Variants in HOMER2 observed in about 807,000 individuals in gnomAD.
HOMER2 encodes the protein homer protein homolog 2.
HOMER2 carries 27 observed loss-of-function variants against 47.0 expected under a neutral mutation model. The observed-to-expected ratio is 0.57, with a 90% CI of 0.42 to 0.79. HOMER2 has a LOEUF of 0.79. HOMER2 is among the 30% of genes least tolerant of loss of function. The pLI, the probability that HOMER2 is intolerant of heterozygous loss-of-function variation, is 0.00. For synonymous variants in HOMER2, 161 were observed against 163.8 expected (o/e 0.98, Z 0.13); for missense variants, 443 against 435.0 (o/e 1.02, Z -0.16).
downstream of HOMER2, chr15:82,845,794 G>A (rs1487405847): frequency 6.6e-6 from 1 of 152,200 alleles, no homozygotes; most frequent in Admixed American, 6.5e-5. Flanking sequence ...GCGTCCTGTG[G>A]TTGGCTCTCA....
At chr15:82,954,198 A>G (rs1330857284), upstream of HOMER2, among the ~76,000 whole-genome samples, 1 of 152,196 alleles carries the variant, frequency 6.6e-6, no homozygotes, top group African/African-American at 2.4e-5. Flanking sequence ...ACACTGAACA[A>G]GTCATTTATC....
chr15:82,951,324 C>T (rs1720001920), intron 1 of HOMER2, among the ~76,000 whole-genome samples: 1 of 152,190 alleles, frequency 6.6e-6, no homozygotes, highest in African/African-American at 2.4e-5. Flanking sequence ...CTCAAAATTC[C>T]TCTTGGCCTG....
intron 1 of HOMER2, 126 bp downstream of exon 1, chr15:82,952,405 C>T: frequency 3.1e-6 from 2 of 651,276 alleles, no homozygotes; most frequent in East Asian, 4.5e-5. Flanking sequence ...GCAGAGTGTG[C>T]GCTCGCTCCG....
intron 1 of HOMER2, among the ~76,000 whole-genome samples, chr15:82,911,854 AC>A (rs1439260299): frequency 6.6e-6 from 1 of 151,762 alleles, no homozygotes; most frequent in Non-Finnish European, 1.5e-5. Context: ...ACATGGTAAA[AC>A]CCCCATCTCT....
In HOMER2 at chr15:82,875,327, G is replaced by A; in HGVS notation, c.240C>T (p.Ser80=). 2 of 1,613,990 alleles carry A rather than the reference G, an allele frequency of 1.2e-6. No individual in the cohort carries two copies. Among genetic ancestry groups the A allele is most frequent in the Non-Finnish European group, 1.7e-6 (2 of 1,179,894 alleles). Residue 80 remains serine (S), a synonymous_variant, in exon 3 of 9, where the codon AGC becomes AGT. Transcript: ENST00000450735. ...TSQKFGQWAD[S]RANTVFGLGF... ...CCAAACCAAACACTGTGTTGGCTCT[G>A]CTGTCGGCCCACTGCCCAAACTTCT...
chr15:82,869,425 A>G (rs1209229683), intron 3 of HOMER2, among the ~76,000 whole-genome samples: 1 of 144,918 alleles, frequency 6.9e-6, no homozygotes, highest in Non-Finnish European at 1.5e-5. Context: ...ACTTCCATGC[A>G]ATTATATGAT....
At chr15:82,930,424 C>T (rs907282772) in intron 1 of HOMER2, among the ~76,000 whole-genome samples, 2 of 152,226 alleles carry the variant, frequency 1.3e-5, no homozygotes, top group Non-Finnish European at 2.9e-5. Context: ...GGTAAGCGTC[C>T]GGTGCAATCA....
intron 3 of HOMER2, among the ~76,000 whole-genome samples, chr15:82,871,501 T>C (rs1256444): frequency 0.52 from 79,252 of 152,060 alleles, 21,091 homozygotes; most frequent in African/African-American, 0.63. Context: ...CTTGTTGAGA[T>C]GGCCAGACTC....
chr15:82,878,408 A>G (rs768506079), intron 2 of HOMER2, among the ~76,000 whole-genome samples: 1 of 152,228 alleles, frequency 6.6e-6, no homozygotes, highest in Non-Finnish European at 1.5e-5. Flanking sequence ...CATAAAACTA[A>G]TAAGTGGCTA....
chr15:82,855,550 A>C (rs2051558768), intron 5 of HOMER2, among the ~76,000 whole-genome samples: 1 of 152,250 alleles, frequency 6.6e-6, no homozygotes, highest in Non-Finnish European at 1.5e-5. Flanking sequence ...CAAGAAGCCA[A>C]CAGCTTGGCT....
At chr15:82,867,442 A>C (rs1191472200) in intron 3 of HOMER2, among the ~76,000 whole-genome samples, 2 of 152,200 alleles carry the variant, frequency 1.3e-5, no homozygotes, top group Non-Finnish European at 2.9e-5. Flanking sequence ...AGTACAACAG[A>C]AAAAGGGCTA....
chr15:82,965,233 C>T (rs1336797150), intron 1 of HOMER2, among the ~76,000 whole-genome samples: 7 of 152,018 alleles, frequency 4.6e-5, no homozygotes, highest in South Asian at 2.1e-4. Flanking sequence ...TGCCCAGGCT[C>T]GTCTCTAACT....
chr15:82,911,448 G>GA (rs1439021913), intron 1 of HOMER2, among the ~76,000 whole-genome samples: 3 of 151,750 alleles, frequency 2.0e-5, no homozygotes, highest in African/African-American at 7.3e-5. Flanking sequence ...TAGGTTTAGG[G>GA]GAAAAAAAGC....
chr15:82,876,593 G>T (rs1243579534), intron 2 of HOMER2, among the ~76,000 whole-genome samples: 1 of 152,294 alleles, frequency 6.6e-6, no homozygotes, highest in Admixed American at 6.5e-5. Flanking sequence ...GTAAGGGCAG[G>T]GTAGCAATAA....
upstream of HOMER2, chr15:82,986,110 T>C (rs1370206216): frequency 1.0e-6 from 1 of 985,530 alleles, no homozygotes; most frequent in Non-Finnish European, 1.2e-6. Context: ...GTGCCAGCAT[T>C]TGAAGAAGCG....
chr15:82,867,498 A>G (rs2052013243), intron 3 of HOMER2, among the ~76,000 whole-genome samples: 1 of 152,204 alleles, frequency 6.6e-6, no homozygotes, highest in South Asian at 2.1e-4. Context: ...AAAGTATGAC[A>G]AGCCCAGTAA....
intron 1 of HOMER2, among the ~76,000 whole-genome samples, chr15:82,897,531 G>T (rs1433922213): frequency 6.6e-6 from 1 of 152,114 alleles, no homozygotes; most frequent in Non-Finnish European, 1.5e-5. Flanking sequence ...CTTGAGTGTG[G>T]GTGAGACCTG....
Position 82,854,756 on chromosome 15 carries a change from C to T in HOMER2, c.539G>A (p.Arg180Gln), listed in dbSNP as rs369968997. 93 of 1,611,754 alleles carry T rather than the reference C, an allele frequency of 5.8e-5. No individual in the cohort carries two copies. In the African/African-American group the frequency reaches 7.9e-4, roughly 14 times the overall value. The change falls in exon 6 of 9, where the codon CGG (arginine) becomes CAG (glutamine). Residue 180 changes from arginine (R) to glutamine (Q), a missense_variant. Coordinates refer to ENST00000450735, the MANE Select transcript of HOMER2 (RefSeq NM_004839.4). ...TGTGGTCAGCCGTGCATTGCTCTCC[C>T]GAAGGGTCTGCAGCTCGATCTCCCA... ...KKWEIELQTL[R>Q]ESNARLTTAL...
chr15:82,852,372 T>C, intron 6 of HOMER2, 120 bp from the exon 7 acceptor site: 1 of 699,950 alleles, frequency 1.4e-6, no homozygotes, highest in South Asian at 1.9e-5. Flanking sequence ...AATCCACTTA[T>C]AAGATTTTCT....
Sources: allele counts gnomAD v4.1 joint callset (sites outside exome capture counted in the v4.1 genomes callset), GRCh38; gene constraint gnomAD v4.1.1; transcripts MANE v1.5; gene names NCBI Gene and HGNC (gene_info 2026-07-23, HGNC 2026-07-21).